Variants in NR3C2 observed in about 807,000 individuals in gnomAD.
The protein encoded by NR3C2 is nuclear receptor subfamily 3 group C member 2.
Under a neutral mutation model 86.4 loss-of-function variants are expected in NR3C2, and 15 were observed. That is an observed-to-expected ratio of 0.17 (90% CI 0.12 to 0.27). The LOEUF is 0.27. Ranked by LOEUF, NR3C2 falls within the 10% of genes least tolerant of loss-of-function variation. The probability of loss-of-function intolerance (pLI) is 1.00; values close to 1 mark genes in which losing one functional copy is unlikely to be tolerated. For missense variants in NR3C2, 960 were observed against 1,195.6 expected, an observed-to-expected ratio of 0.80 and a Z score of 2.91; for synonymous variants, 458 against 450.5, an observed-to-expected ratio of 1.02 and a Z score of -0.21.
intron 8 of NR3C2, among the ~76,000 whole-genome samples, chr4:148,106,932 T>C (rs1301467963): frequency 6.6e-6 from 1 of 152,188 alleles, no homozygotes; most frequent in Non-Finnish European, 1.5e-5. Flanking sequence ...GGCAATACCT[T>C]GCAGGACATA....
At chr4:148,364,773 C>T (rs1746024738) in intron 2 of NR3C2, among the ~76,000 whole-genome samples, 2 of 150,972 alleles carry the variant, frequency 1.3e-5, no homozygotes, top group Admixed American at 6.6e-5. Flanking sequence ...TTGAGTATCC[C>T]TTATCCAAAT....
intron 4 of NR3C2, among the ~76,000 whole-genome samples, chr4:148,169,369 CT>C (rs1735022964): frequency 6.6e-6 from 1 of 151,980 alleles, no homozygotes; most frequent in Admixed American, 6.6e-5. Flanking sequence ...TCTCAAACAA[CT>C]TCTTCTGAGA....
intron 2 of NR3C2, among the ~76,000 whole-genome samples, chr4:148,403,917 T>G (rs1178119953): frequency 3.3e-5 from 5 of 152,106 alleles, no homozygotes; most frequent in Non-Finnish European, 7.4e-5. Context: ...AGTGATAATT[T>G]GTTAAATATG....
intron 2 of NR3C2, among the ~76,000 whole-genome samples, chr4:148,375,007 G>A (rs1394908291): frequency 1.3e-5 from 2 of 152,150 alleles, no homozygotes; most frequent in African/African-American, 4.8e-5. Flanking sequence ...TAAATATGTT[G>A]TCACGTGGCT....
intron 3 of NR3C2, among the ~76,000 whole-genome samples, chr4:148,249,702 G>C (rs1739485598): frequency 6.6e-6 from 1 of 152,112 alleles, no homozygotes; most frequent in African/African-American, 2.4e-5. Context: ...TCTTCCTTGG[G>C]ATTGTTCTTT....
At chr4:148,209,251 A>AAAAAAAAAAG (rs1737163283) in intron 3 of NR3C2, among the ~76,000 whole-genome samples, 1 of 150,578 alleles carries the variant, frequency 6.6e-6, no homozygotes, top group Non-Finnish European at 1.5e-5. Context: ...CTCAAAAAAA[A>AAAAAAAAAAG]AAAAAAAAAA....
chr4:148,122,051 C>T (rs960925159), intron 6 of NR3C2, among the ~76,000 whole-genome samples: 2 of 152,160 alleles, frequency 1.3e-5, no homozygotes, highest in African/African-American at 2.4e-5. Flanking sequence ...ACTTCACATC[C>T]CCACCAATGA....
At chr4:148,259,135 A>G (rs930640132) in intron 3 of NR3C2, among the ~76,000 whole-genome samples, 1 of 152,200 alleles carries the variant, frequency 6.6e-6, no homozygotes, top group Non-Finnish European at 1.5e-5. Context: ...GCACCAAGTC[A>G]TCTCTAAGAA....
intron 2 of NR3C2, among the ~76,000 whole-genome samples, chr4:148,282,437 T>G (rs750210695): frequency 4.6e-5 from 7 of 152,172 alleles, no homozygotes; most frequent in African/African-American, 1.7e-4. Context: ...AAATGGAAAT[T>G]TGTTCAAGAT....
intron 2 of NR3C2, among the ~76,000 whole-genome samples, chr4:148,292,615 A>G (rs1258418622): frequency 2.0e-5 from 3 of 152,108 alleles, no homozygotes; most frequent in African/African-American, 2.4e-5. Flanking sequence ...AAAACAATCC[A>G]TTCCATGTTG....
intron 2 of NR3C2, among the ~76,000 whole-genome samples, chr4:148,383,672 G>A (rs1747112014): frequency 6.6e-6 from 1 of 152,086 alleles, no homozygotes; most frequent in African/African-American, 2.4e-5. Context: ...GCACCTTTTG[G>A]ACGGGCGCAG....
At chr4:148,390,846 T>C (rs1747510569) in intron 2 of NR3C2, among the ~76,000 whole-genome samples, 1 of 152,336 alleles carries the variant, frequency 6.6e-6, no homozygotes, top group East Asian at 1.9e-4. Flanking sequence ...GCTCATAATA[T>C]GACTTTTAAG....
Position 148,154,578 on chromosome 4 carries a change from C to T in NR3C2, c.2338G>A (p.Val780Ile), listed in dbSNP as rs1267841220. 6.2e-7 allele frequency: 1 copy of T among 1,614,198 alleles called. No homozygotes were observed. The stretch of plus-strand genomic sequence containing the variant: ...GGAAGTACCTTTGCCCACTTCACGA[C>T]TTGGATCATCTGTTTGCCTGCTAAG... ...NRLAGKQMIQ[V>I]VKWAKVLPGF... Residue 780 changes from valine (V) to isoleucine (I), a missense_variant, in exon 5 of 9, where the codon GTC (valine) becomes ATC (isoleucine). Physicochemically the swap from Val to Ile is conservative, Grantham distance 29. Transcript: ENST00000358102.
intron 2 of NR3C2, among the ~76,000 whole-genome samples, chr4:148,389,773 T>C (rs1006446783): frequency 2.6e-5 from 4 of 152,128 alleles, no homozygotes; most frequent in Admixed American, 2.0e-4. Flanking sequence ...ATATACATTA[T>C]TTCATTTAAA....
chr4:148,402,922 T>C (rs1442649366), intron 2 of NR3C2, among the ~76,000 whole-genome samples: 1 of 152,056 alleles, frequency 6.6e-6, no homozygotes, highest in Admixed American at 6.5e-5. Context: ...GGATACACAA[T>C]AGTGGTTCCT....
Position 148,289,052 on chromosome 4 carries a change from T to C in NR3C2, c.1758-28935A>G, listed in dbSNP as rs1741670998. On this transcript the variant is annotated intron_variant, in intron 2 of 8. Transcript: ENST00000358102. ...AGACATAAAGACCAAACAGAATATA[T>C]GTGGTTTTTGAGTGGGTCTTTGTCA... Among the ~76,000 whole-genome samples, 3 of 152,108 alleles carry C rather than the reference T, an allele frequency of 2.0e-5. No homozygotes were observed. The South Asian group carries it at 6.2e-4, about 32-fold the overall frequency.
intron 2 of NR3C2, among the ~76,000 whole-genome samples, chr4:148,403,185 C>T (rs1748254952): frequency 6.6e-6 from 1 of 151,888 alleles, no homozygotes. Context: ...GTATAAAATC[C>T]TTACATTTCC....
chr4:148,420,387 T>C (rs1749223880), intron 2 of NR3C2, among the ~76,000 whole-genome samples: 1 of 152,234 alleles, frequency 6.6e-6, no homozygotes, highest in Non-Finnish European at 1.5e-5. Context: ...CTTGTGCTGT[T>C]TGCAAACCAA....
intron 4 of NR3C2, among the ~76,000 whole-genome samples, chr4:148,174,368 T>C (rs1176238400): frequency 6.6e-6 from 1 of 152,156 alleles, no homozygotes; most frequent in Non-Finnish European, 1.5e-5. Flanking sequence ...GCTCAGGTAT[T>C]ATCTAAAAAA....
Sources: gnomAD v4.1 joint callset for allele counts (sites outside exome capture counted in the v4.1 genomes callset) on GRCh38, gnomAD v4.1.1 for gene constraint, MANE v1.5 for transcripts, NCBI Gene and HGNC (gene_info 2026-07-23, HGNC 2026-07-21) for gene names.